Variants in WAPL observed in about 807,000 individuals in gnomAD.
WAPL encodes the protein wings apart-like protein homolog.
WAPL carries 5 observed loss-of-function variants against 121.0 expected under a neutral mutation model. The observed-to-expected ratio is 0.04, with a 90% CI of 0.02 to 0.09. The LOEUF (loss-of-function observed/expected upper bound fraction) is 0.09. Ranked by LOEUF, WAPL falls within the 10% of genes least tolerant of loss-of-function variation. The pLI, the probability that WAPL is intolerant of heterozygous loss-of-function variation, is 1.00. For synonymous variants in WAPL, 480 were observed against 481.5 expected (o/e 1.00, Z 0.04); for missense variants, 999 against 1,410.8 (o/e 0.71, Z 4.68).
At chr10:86,468,201 A>AT (rs1589510143) in intron 8 of WAPL, among the ~76,000 whole-genome samples, 1 of 151,278 alleles carries the variant, frequency 6.6e-6, no homozygotes, top group Non-Finnish European at 1.5e-5. Context: ...GATATACCTC[A>AT]TTTTTTTTCC....
chr10:86,489,357 T>G (rs186300573), intron 4 of WAPL, among the ~76,000 whole-genome samples: 41 of 152,336 alleles, frequency 2.7e-4, no homozygotes, highest in Non-Finnish European at 3.5e-4. Flanking sequence ...GATTAGACAA[T>G]GGATTACATC....
chr10:86,517,517 T>G, intron 2 of WAPL, 54 bp downstream of exon 2: 1 of 1,523,212 alleles, frequency 6.6e-7, no homozygotes. Context: ...ATCATTTAAA[T>G]AAATTGGTTG....
chr10:86,511,928 A>T (rs1229379185), intron 2 of WAPL, among the ~76,000 whole-genome samples: 1 of 152,180 alleles, frequency 6.6e-6, no homozygotes, highest in Non-Finnish European at 1.5e-5. Flanking sequence ...CCAAAAAATA[A>T]AAATAAAAAT....
chr10:86,461,485 G>GCTATTA (rs1241642679), intron 9 of WAPL, among the ~76,000 whole-genome samples, 198 bp from the exon 10 acceptor site: 4 of 152,134 alleles, frequency 2.6e-5, no homozygotes, highest in Non-Finnish European at 5.9e-5. Context: ...GAGAAAATGT[G>GCTATTA]CTATTAGTCT....
chr10:86,507,402 C>T (rs115951330), intron 2 of WAPL, among the ~76,000 whole-genome samples: 11,769 of 146,996 alleles, frequency 0.08, 846 homozygotes, highest in East Asian at 0.38. Flanking sequence ...AAAGCCCCTT[C>T]TTTTAAGGCT....
chr10:86,514,549 A>G (rs566514147), intron 2 of WAPL, among the ~76,000 whole-genome samples: 2 of 152,300 alleles, frequency 1.3e-5, no homozygotes, highest in African/African-American at 4.8e-5. Flanking sequence ...GTATTTTAGT[A>G]TGTATTTTCC....
chr10:86,496,693 G>C (rs559801771), intron 4 of WAPL, among the ~76,000 whole-genome samples: 1 of 152,210 alleles, frequency 6.6e-6, no homozygotes, highest in East Asian at 1.9e-4. Flanking sequence ...AAAAAGGAAT[G>C]AAATTTTGAC....
At chr10:86,440,640 G>T (rs1221922802) in intron 17 of WAPL, among the ~76,000 whole-genome samples, 1 of 151,966 alleles carries the variant, frequency 6.6e-6, no homozygotes, top group Non-Finnish European at 1.5e-5. Context: ...CTCCTTTCCT[G>T]TGTGTGATGG....
rs200768020 is a variant in WAPL at position 86,500,470 on chromosome 10, T to C, written c.773A>G (p.Asp258Gly). Residue 258 changes from aspartate to glycine, a missense_variant, in exon 3 of 19, where the codon GAT becomes GGT. Physicochemically the swap from Asp to Gly is moderately conservative, Grantham distance 94 (BLOSUM62 -1). This residue lies in a region of WAPL where 531 missense variants were observed against 563.1 expected (regional missense o/e 0.94). Transcript: ENST00000298767. ...GTCATCCTTCATCTCCAAAAGGGGA[T>C]CACTATCCAAACTTAAAATACAGTC... ...SEDCILSLDS[D>G]PLLEMKDDDF... 2.2e-5 allele frequency: 36 copies of C among 1,614,114 alleles called. No individual in the cohort carries two copies. The highest frequency in any genetic ancestry group is 5.0e-5 in the Admixed American group (3 of 60,012).
At chr10:86,453,395 T>A (rs1841047232) in intron 13 of WAPL, 60 bp from the exon 14 acceptor site, 3 of 1,509,672 alleles carry the variant, frequency 2.0e-6, no homozygotes, top group Non-Finnish European at 2.8e-6. Context: ...ACACTAATAA[T>A]GGAGATTTAT....
At chr10:86,471,412 A>G (rs958388071) in intron 7 of WAPL, among the ~76,000 whole-genome samples, 1 of 152,180 alleles carries the variant, frequency 6.6e-6, no homozygotes, top group African/African-American at 2.4e-5. Context: ...GATAAAAATC[A>G]CAATTAATTA....
chr10:86,468,690 G>C (rs529777996), intron 8 of WAPL, among the ~76,000 whole-genome samples: 2 of 152,074 alleles, frequency 1.3e-5, no homozygotes, highest in Non-Finnish European at 2.9e-5. Flanking sequence ...ATCGCCAGGC[G>C]TGGTGGCTCA....
chr10:86,447,735 T>C (rs955459844), intron 15 of WAPL, among the ~76,000 whole-genome samples: 1 of 152,212 alleles, frequency 6.6e-6, no homozygotes, highest in Non-Finnish European at 1.5e-5. Context: ...CAGGAAATTA[T>C]GCCCACAGAC....
chr10:86,488,208 T>C (rs538683278), intron 4 of WAPL, among the ~76,000 whole-genome samples: 5 of 152,324 alleles, frequency 3.3e-5, no homozygotes, highest in Admixed American at 3.3e-4. Flanking sequence ...GACCATGAAA[T>C]AGACATGTGT....
intron 16 of WAPL, 133 bp from the exon 17 acceptor site, chr10:86,443,496 C>A: frequency 3.7e-6 from 2 of 543,116 alleles, no homozygotes; most frequent in Non-Finnish European, 3.0e-6. Context: ...AACTGGATAT[C>A]CACAGATTAA....
intron 4 of WAPL, among the ~76,000 whole-genome samples, chr10:86,481,421 T>G (rs1841782678): frequency 6.6e-6 from 1 of 150,536 alleles, no homozygotes; most frequent in South Asian, 2.1e-4. Context: ...TTGCCCAGGC[T>G]GGAGTGCAAT....
intron 2 of WAPL, among the ~76,000 whole-genome samples, chr10:86,512,553 C>T (rs1008924550): frequency 6.6e-6 from 1 of 152,188 alleles, no homozygotes; most frequent in African/African-American, 2.4e-5. Flanking sequence ...TGATTCAAAC[C>T]ATTAAGGAAT....
intron 4 of WAPL, 58 bp downstream of exon 4, chr10:86,497,143 G>A (rs568271295): frequency 3.7e-6 from 5 of 1,337,326 alleles, no homozygotes; most frequent in Non-Finnish European, 5.2e-6. Context: ...AAAAAATTAA[G>A]AGTTGAGCCC....
intron 2 of WAPL, among the ~76,000 whole-genome samples, chr10:86,510,968 G>A (rs1020895946): frequency 4.6e-5 from 7 of 150,598 alleles, no homozygotes; most frequent in Non-Finnish European, 8.8e-5. Context: ...CTGGAACTAC[G>A]GGTGCACCCC....
Sources: gnomAD v4.1 joint callset for allele counts (sites outside exome capture counted in the v4.1 genomes callset) on GRCh38, gnomAD v4.1.1 for gene constraint, gnomAD v4.1.1 regional missense constraint, MANE v1.5 for transcripts, NCBI Gene and HGNC (gene_info 2026-07-23, HGNC 2026-07-21) for gene names.